Variants in MAPK10 observed in about 807,000 individuals in gnomAD.
MAPK10 encodes the protein JNK3 alpha protein kinase.
Under a neutral mutation model 59.3 loss-of-function variants are expected in MAPK10, and 25 were observed. The ratio of observed to expected loss-of-function variants is 0.42; its 90% CI spans 0.31 to 0.59. The LOEUF (loss-of-function observed/expected upper bound fraction) is 0.59, where lower values mean the gene tolerates loss of function less well. Among genes scored for constraint, MAPK10 ranks in the 20% least tolerant of loss-of-function variants. The pLI is 0.15. For missense variants in MAPK10, 351 were observed against 568.9 expected, an observed-to-expected ratio of 0.62 and a Z score of 3.90; for synonymous variants, 190 against 200.5, an observed-to-expected ratio of 0.95 and a Z score of 0.44.
chr4:86,401,673 G>A (rs944093848), intron 1 of MAPK10, among the ~76,000 whole-genome samples: 1 of 152,070 alleles, frequency 6.6e-6, no homozygotes, highest in Non-Finnish European at 1.5e-5. Context: ...TATTTTATGT[G>A]TTTTAATTAA....
chr4:86,473,119 T>C (rs1564919637), intron 1 of MAPK10, among the ~76,000 whole-genome samples: 1 of 152,258 alleles, frequency 6.6e-6, no homozygotes, highest in African/African-American at 2.4e-5. Flanking sequence ...AATAATGTCA[T>C]TTCTGATTCA....
intron 1 of MAPK10, among the ~76,000 whole-genome samples, chr4:86,580,039 T>C (rs1762158593): frequency 6.6e-6 from 1 of 152,020 alleles, no homozygotes; most frequent in South Asian, 2.1e-4. Context: ...TCTTGAACTC[T>C]GGATTTCAAG....
chr4:86,348,608 A>G (rs1223352822), intron 2 of MAPK10, among the ~76,000 whole-genome samples: 2 of 152,190 alleles, frequency 1.3e-5, no homozygotes, highest in African/African-American at 4.8e-5. Flanking sequence ...AGATGGTTAA[A>G]TACTTTCAGT....
At chr4:86,309,819 G>A (rs542046120) in intron 2 of MAPK10, among the ~76,000 whole-genome samples, 6 of 152,222 alleles carry the variant, frequency 3.9e-5, no homozygotes, top group African/African-American at 9.6e-5. Flanking sequence ...CTTAATAAAC[G>A]CAACCTAAGC....
intron 2 of MAPK10, among the ~76,000 whole-genome samples, chr4:86,319,201 A>G (rs1476486780): frequency 2.0e-5 from 3 of 152,140 alleles, no homozygotes; most frequent in African/African-American, 7.2e-5. Context: ...GGAGGTGAGA[A>G]CTAGGGAACA....
intron 2 of MAPK10, among the ~76,000 whole-genome samples, chr4:86,289,191 C>T (rs2095136715): frequency 6.6e-6 from 1 of 152,048 alleles, no homozygotes; most frequent in South Asian, 2.1e-4. Flanking sequence ...AGAGAAAAGG[C>T]CCTGAGGCAG....
At chr4:86,025,942 T>C (rs1370079908) in intron 13 of MAPK10, among the ~76,000 whole-genome samples, 1 of 152,180 alleles carries the variant, frequency 6.6e-6, no homozygotes, top group Non-Finnish European at 1.5e-5. Context: ...AAAAATAGTG[T>C]CTTTTTTATC....
At chr4:86,052,340 C>T (rs994373814) in intron 11 of MAPK10, among the ~76,000 whole-genome samples, 2 of 152,064 alleles carry the variant, frequency 1.3e-5, no homozygotes, top group East Asian at 3.9e-4. Context: ...TCCCCTCCCC[C>T]CATCCACTGA....
At chr4:86,359,621 A>G in intron 1 of MAPK10, 37 bp downstream of exon 1, 5 of 956,526 alleles carry the variant, frequency 5.2e-6, no homozygotes, top group Non-Finnish European at 5.0e-6. Context: ...CCCTCCAAAA[A>G]CAGGTTAGAA....
intron 2 of MAPK10, among the ~76,000 whole-genome samples, chr4:86,266,309 A>C (rs1261123353): frequency 6.6e-6 from 1 of 152,156 alleles, no homozygotes; most frequent in Non-Finnish European, 1.5e-5. Flanking sequence ...ATACTTGCCT[A>C]CTACTTAATA....
At chr4:86,457,349 T>C (rs577378237), upstream of MAPK10, among the ~76,000 whole-genome samples, 210 of 152,224 alleles carry the variant, frequency 1.4e-3, no homozygotes, top group Non-Finnish European at 2.1e-3. Flanking sequence ...TCCCAATTGG[T>C]AAAAAGGAAG....
intron 2 of MAPK10, among the ~76,000 whole-genome samples, chr4:86,245,475 T>G (rs1218501443): frequency 6.6e-6 from 1 of 152,016 alleles, no homozygotes; most frequent in Non-Finnish European, 1.5e-5. Flanking sequence ...TCACACCTTT[T>G]GATTAAAATT....
intron 1 of MAPK10, among the ~76,000 whole-genome samples, chr4:86,380,791 T>A (rs1361465064): frequency 2.0e-5 from 3 of 151,220 alleles, no homozygotes. Flanking sequence ...TCCTGACTTA[T>A]GGGTGACAGT....
chr4:86,271,490 T>C (rs1428964820), intron 2 of MAPK10, among the ~76,000 whole-genome samples: 1 of 152,034 alleles, frequency 6.6e-6, no homozygotes, highest in Non-Finnish European at 1.5e-5. Context: ...TATGGAGGTT[T>C]GTTACCTGGG....
chr4:86,516,604 T>C (rs145415566), intron 1 of MAPK10, among the ~76,000 whole-genome samples: 1 of 151,998 alleles, frequency 6.6e-6, no homozygotes, highest in African/African-American at 2.4e-5. Context: ...TCACCTCTTT[T>C]GTTAGGTATA....
Position 86,071,466 on chromosome 4 carries a change from C to G in MAPK10, c.803-3511G>C, listed in dbSNP as rs2047944830. Among the ~76,000 whole-genome samples, 3 of 142,092 alleles carry G rather than the reference C, an allele frequency of 2.1e-5. No individual in the cohort carries two copies. In the South Asian group the frequency reaches 6.7e-4, roughly 32 times the overall value. The allele number at this position is 142,092 out of a possible 152,430, so 93.2% of individuals were successfully genotyped here. A position where few individuals can be genotyped will look rare whatever the true frequency, so the allele number is the denominator to read the frequency against. On this transcript the variant is annotated intron_variant, in intron 9 of 13. Coordinates refer to ENST00000641462, the MANE Select transcript of MAPK10 (RefSeq NM_138982.4). ...GGTGTTTTGGACATGAAGTCCTTGC[C>G]CATGCCTATGTCCTGAATGGTAATG...
At chr4:86,511,932 A>T (rs1211454489) in intron 1 of MAPK10, among the ~76,000 whole-genome samples, 1 of 152,078 alleles carries the variant, frequency 6.6e-6, no homozygotes, top group Admixed American at 6.5e-5. Context: ...AAGAAGAATT[A>T]AAATACAGAT....
intron 2 of MAPK10, among the ~76,000 whole-genome samples, chr4:86,317,677 T>A (rs1319688166): frequency 6.6e-6 from 1 of 152,190 alleles, no homozygotes; most frequent in Admixed American, 6.5e-5. Flanking sequence ...CAAGAAATAG[T>A]CTTGACTGGT....
chr4:86,366,508 T>C (rs1171021129), intron 1 of MAPK10, among the ~76,000 whole-genome samples: 1 of 152,082 alleles, frequency 6.6e-6, no homozygotes, highest in African/African-American at 2.4e-5. Context: ...TCTAGTCCCA[T>C]ACCCTGAATC....
Sources: gnomAD v4.1 joint callset for allele counts (sites outside exome capture counted in the v4.1 genomes callset) on GRCh38, gnomAD v4.1.1 for gene constraint, MANE v1.5 for transcripts, NCBI Gene and HGNC (gene_info 2026-07-23, HGNC 2026-07-21) for gene names.